ALS2: variants seen among roughly 807,000 people sequenced by gnomAD.
ALS2 encodes the protein alsin Rho guanine nucleotide exchange factor ALS2, also known as alsin.
A neutral mutation model predicts 203.4 loss-of-function variants in ALS2; 117 were observed. The ratio of observed to expected loss-of-function variants is 0.58; its 90% confidence interval spans 0.50 to 0.67. The LOEUF (loss-of-function observed/expected upper bound fraction) is 0.67. Among genes scored for constraint, ALS2 ranks in the 30% least tolerant of loss-of-function variants. The pLI, the probability that ALS2 is intolerant of heterozygous loss-of-function variation, is 0.00. For synonymous variants in ALS2, 718 were observed against 725.9 expected, an observed-to-expected ratio of 0.99 and a Z score of 0.17; for missense variants, 1,715 against 1,989.4, an observed-to-expected ratio of 0.86 and a Z score of 2.62.
intron 12 of ALS2, among the ~76,000 whole-genome samples, chr2:201,736,303 A>G (rs1559059800): frequency 6.6e-6 from 1 of 152,146 alleles, no homozygotes; most frequent in African/African-American, 2.4e-5. Context: ...TGAAACTGTC[A>G]TTTTAAAAAA....
rs1693782428 is a variant in ALS2, at chr2:201,761,742, T to C, written c.252A>G (p.Leu84=). 2 of 1,614,032 alleles carry C rather than the reference T, an allele frequency of 1.2e-6. No individual in the cohort carries two copies. Among genetic ancestry groups the C allele is most frequent in the African/African-American group, 1.3e-5 (1 of 74,980 alleles). Residue 84 remains leucine, a synonymous_variant, in exon 4 of 34, where the codon CTA becomes CTG. Coordinates refer to ENST00000264276, the MANE Select transcript of ALS2 (RefSeq NM_020919.4). ...PVEICPSSPI[L]ENALVGQYVI... is the part of the protein sequence containing the mutation. ...CATATTGCCCAACCAGGGCATTTTC[T>C]AGAATGGGGCTACTTGGACAAATCT...
At chr2:201,759,774 T>A (rs1275896504) in intron 4 of ALS2, 1 of 985,122 alleles carries the variant, frequency 1.0e-6, no homozygotes, top group African/African-American at 1.7e-5. Flanking sequence ...GAATTGAGAA[T>A]CAAGAGGCTA....
intron 23 of ALS2, among the ~76,000 whole-genome samples, chr2:201,718,601 TG>T (rs1272422108): frequency 6.6e-6 from 1 of 152,194 alleles, no homozygotes; most frequent in Non-Finnish European, 1.5e-5. Context: ...ACTAAATGGT[TG>T]TTTTCCTTTT....
At chr2:201,734,547 C>T (rs1026179145) in intron 12 of ALS2, among the ~76,000 whole-genome samples, 1 of 152,064 alleles carries the variant, frequency 6.6e-6, no homozygotes, top group Admixed American at 6.6e-5. Flanking sequence ...CTTCTTTCTC[C>T]ACGTTCTACT....
At chr2:201,747,142 A>G (rs1180428050) in intron 8 of ALS2, among the ~76,000 whole-genome samples, 2 of 152,224 alleles carry the variant, frequency 1.3e-5, no homozygotes, top group Non-Finnish European at 2.9e-5. Flanking sequence ...GGCTGTGTGC[A>G]CAAAAATCGA....
intron 7 of ALS2, among the ~76,000 whole-genome samples, chr2:201,752,282 AT>A (rs1330297042): frequency 1.3e-5 from 2 of 152,156 alleles, no homozygotes; most frequent in Non-Finnish European, 2.9e-5. Flanking sequence ...GGTTATATGC[AT>A]TTTATACTTA....
rs1689339715 is a variant in ALS2 at position 201,700,774 on chromosome 2, CA to C, written c.*1076del. The C allele has an allele frequency of 6.6e-6, 1 of 152,600 alleles. No homozygotes were observed. The highest frequency in any genetic ancestry group is 1.5e-5 in the Non-Finnish European group (1 of 68,044). 9.5% of individuals were successfully genotyped at this position (152,600 alleles called of 1,614,324 possible). On this transcript the variant is annotated 3_prime_UTR_variant, in exon 34 of 34. Coordinates refer to ENST00000264276, the MANE Select transcript of ALS2 (RefSeq NM_020919.4). The stretch of plus-strand genomic sequence containing the variant: ...GATGAGGAAGAGCACCTATGTTATT[CA>C]AAACAGCTACTAGTGTTACTTATAC...
At position 201,746,623 on chromosome 2, in the gene ALS2, G is replaced by A; in HGVS notation, c.1941C>T (p.Asp647=). Residue 647 remains aspartate, a synonymous_variant, in exon 9 of 34, where the codon GAC becomes GAT. Coordinates refer to ENST00000264276, the MANE Select transcript of ALS2 (RefSeq NM_020919.4). ...AACCACTGTGATTCTCTGGAAGGTT[G>A]TCACCTTCTGTAGGGTCCTGTCGGC... ...YSGRQDPTEG[D]NLPENHSGSK... 6.2e-7 allele frequency: 1 copy of A among 1,614,132 alleles called. No homozygotes were observed. Among genetic ancestry groups the A allele is most frequent in the Non-Finnish European group, 8.5e-7 (1 of 1,180,002 alleles).
intron 13 of ALS2, 56 bp from the exon 14 acceptor site, chr2:201,729,239 A>T (rs1238924136): frequency 6.4e-7 from 1 of 1,574,534 alleles, no homozygotes; most frequent in Non-Finnish European, 8.7e-7. Context: ...ACCATTATGC[A>T]GAATCTGTAG....
At chr2:201,706,535 T>TTATATATATATATATATATATATATA (rs34345642) in intron 29 of ALS2, among the ~76,000 whole-genome samples, 8 of 143,852 alleles carry the variant, frequency 5.6e-5, no homozygotes, top group African/African-American at 1.8e-4. Context: ...AGCTCACACT[T>TTATATATATATATATATATATATATA]TATATATATA....
chr2:201,707,760 A>G, intron 28 of ALS2, 109 bp downstream of exon 28: 1 of 1,441,826 alleles, frequency 6.9e-7, no homozygotes, highest in South Asian at 1.1e-5. Flanking sequence ...ATATCATTTT[A>G]GAAATGAGGA....
At chr2:201,772,568 T>A (rs1694446227) in intron 1 of ALS2, among the ~76,000 whole-genome samples, 1 of 152,048 alleles carries the variant, frequency 6.6e-6, no homozygotes, top group South Asian at 2.1e-4. Flanking sequence ...GCACCACAGA[T>A]CCCACAGGAA....
rs41308804 is a variant in ALS2 at position 201,767,201 on chromosome 2, G to A, written c.175+28C>T. On this transcript the variant is annotated intron_variant, in intron 3 of 33. Transcript: ENST00000264276. ...CAGGCATTTGTTAGCATTGCAGTTC[G>A]TATTTGTTACGCCATTCTTTTCATT... 3,682 of 1,613,402 alleles carry A rather than the reference G, an allele frequency of 2.3e-3. 54 individuals are homozygous for A. In the African/African-American group the frequency reaches 0.036, roughly 16 times the overall value.
chr2:201,777,217 C>T (rs1694701410), intron 1 of ALS2, among the ~76,000 whole-genome samples: 1 of 151,636 alleles, frequency 6.6e-6, no homozygotes. Flanking sequence ...CCTACATTTC[C>T]CAAGCATCTC....
intron 4 of ALS2, chr2:201,759,842 C>G: frequency 1.0e-6 from 1 of 985,284 alleles, no homozygotes; most frequent in African/African-American, 1.7e-5. Context: ...TGAGTATGAT[C>G]TTTTGTTTTG....
At chr2:201,728,677 T>A (rs1417369671) in intron 14 of ALS2, 37 bp from the exon 15 acceptor site, 1 of 1,601,930 alleles carries the variant, frequency 6.2e-7, no homozygotes, top group South Asian at 1.1e-5. Flanking sequence ...AGTCAAACAA[T>A]CAAAATTATT....
chr2:201,746,820 G>C, intron 8 of ALS2, 72 bp from the exon 9 acceptor site: 1 of 1,558,468 alleles, frequency 6.4e-7, no homozygotes, highest in East Asian at 2.2e-5. Context: ...CACAGGAACT[G>C]AAACGTTAGG....
At chr2:201,718,454 T>C (rs754319400) in intron 23 of ALS2, among the ~76,000 whole-genome samples, 6 of 151,672 alleles carry the variant, frequency 4.0e-5, no homozygotes, top group Admixed American at 2.6e-4. Flanking sequence ...AGAGACGGGG[T>C]TTCACCATGT....
intron 27 of ALS2, among the ~76,000 whole-genome samples, chr2:201,708,788 C>T (rs1689873659): frequency 6.6e-6 from 1 of 152,044 alleles, no homozygotes; most frequent in African/African-American, 2.4e-5. Flanking sequence ...TTTTTACGGA[C>T]TTAAATTTTG....
Sources: gnomAD v4.1 joint callset for allele counts (sites outside exome capture counted in the v4.1 genomes callset) on GRCh38, gnomAD v4.1.1 for gene constraint, MANE v1.5 for transcripts, NCBI Gene and HGNC (gene_info 2026-07-23, HGNC 2026-07-21) for gene names.